HS6ST2: variants seen among roughly 807,000 people sequenced by gnomAD.
HS6ST2 encodes heparan sulfate 6-O-sulfotransferase 2.
Under a neutral mutation model 33.0 loss-of-function variants are expected in HS6ST2, and 17 were observed. That is an observed-to-expected ratio of 0.52 (90% CI 0.35 to 0.77). The LOEUF (loss-of-function observed/expected upper bound fraction) is 0.77, where lower values mean the gene tolerates loss of function less well. Ranked by LOEUF, HS6ST2 falls within the 30% of genes least tolerant of loss-of-function variation. The pLI is 0.01. For synonymous variants in HS6ST2, 248 were observed against 237.1 expected (o/e 1.05, Z -0.42); for missense variants, 519 against 551.7 (o/e 0.94, Z 0.59).
chrX:132,800,199 A>G (rs2065220887), intron 2 of HS6ST2, among the ~76,000 whole-genome samples: 1 of 111,665 alleles, frequency 9.0e-6, no homozygotes. Context: ...TTCTGCCTCC[A>G]GTCAGATCAG....
chrX:132,765,132 C>T (rs2064834950), intron 2 of HS6ST2, among the ~76,000 whole-genome samples: 1 of 112,169 alleles, frequency 8.9e-6, no homozygotes, highest in Non-Finnish European at 1.9e-5. Context: ...GCTCCCCTGT[C>T]CTTCAGCAGC....
chrX:132,774,586 G>T (rs749353522), intron 2 of HS6ST2, among the ~76,000 whole-genome samples: 3 of 111,969 alleles, frequency 2.7e-5, no homozygotes, highest in Non-Finnish European at 5.6e-5. Context: ...TATATTTACA[G>T]ATTTACAGGA....
Position 132,652,564 on chromosome X carries a change from G to A in HS6ST2, c.1067+16549C>T, listed in dbSNP as rs543453376. ...CCGACTAACATGCTCCACACCTTGA[G>A]GTGAAAGTATGCCAAAAATACAGGG... On this transcript the variant is annotated intron_variant, in intron 4 of 4. Coordinates refer to ENST00000370833, the MANE Select transcript of HS6ST2 (RefSeq NM_001394073.1). Among the ~76,000 whole-genome samples, 4 of 111,541 alleles carry A rather than the reference G, an allele frequency of 3.6e-5. No homozygotes were observed. The South Asian group carries it at 1.5e-3, about 42-fold the overall frequency.
intron 2 of HS6ST2, among the ~76,000 whole-genome samples, chrX:132,810,171 C>T (rs2065327170): frequency 9.0e-6 from 1 of 111,304 alleles, no homozygotes; most frequent in Non-Finnish European, 1.9e-5. Context: ...TTTGACAGGC[C>T]GAGGTGGGAG....
At chrX:132,663,828 C>A (rs2063791522) in intron 4 of HS6ST2, among the ~76,000 whole-genome samples, 2 of 111,674 alleles carry the variant, frequency 1.8e-5, no homozygotes, top group African/African-American at 6.5e-5. Flanking sequence ...GGGTTAGCAA[C>A]AGTCACAACC....
At chrX:132,880,812 G>A (rs1357376829) in intron 2 of HS6ST2, among the ~76,000 whole-genome samples, 1 of 95,897 alleles carries the variant, frequency 1.0e-5, no homozygotes, top group Non-Finnish European at 2.0e-5. Flanking sequence ...CATGTGTGAT[G>A]TTCCTCTTCC....
chrX:132,860,529 C>T (rs1056169827), intron 2 of HS6ST2, among the ~76,000 whole-genome samples: 4 of 111,739 alleles, frequency 3.6e-5, no homozygotes, highest in African/African-American at 9.8e-5. Context: ...ATTCTGATCA[C>T]TTGCTGCTCA....
At chrX:132,665,518 C>T (rs1008149662) in intron 4 of HS6ST2, among the ~76,000 whole-genome samples, 5 of 111,661 alleles carry the variant, frequency 4.5e-5, no homozygotes, top group African/African-American at 1.6e-4. Context: ...TATAAAGGCT[C>T]TTGGTGGCTA....
At chrX:132,956,610 G>A (rs1329281768) in intron 2 of HS6ST2, among the ~76,000 whole-genome samples, 198 bp downstream of exon 2, 1 of 112,702 alleles carries the variant, frequency 8.9e-6, no homozygotes, top group African/African-American at 3.2e-5. Context: ...CGGTCAGTCC[G>A]GGGCCGGAGC....
At chrX:132,919,945 G>A (rs1335021600) in intron 2 of HS6ST2, among the ~76,000 whole-genome samples, 1 of 111,591 alleles carries the variant, frequency 9.0e-6, no homozygotes. Flanking sequence ...GTCAGCGTAC[G>A]GAAAACCCTG....
chrX:132,898,375 A>G (rs1175666322), intron 2 of HS6ST2, among the ~76,000 whole-genome samples: 1 of 73,511 alleles, frequency 1.4e-5, no homozygotes, highest in African/African-American at 5.7e-5. Context: ...CTTTATCAAC[A>G]TAAGGTTATA....
intron 2 of HS6ST2, among the ~76,000 whole-genome samples, chrX:132,831,409 A>G (rs1449782207): frequency 1.8e-5 from 2 of 111,520 alleles, no homozygotes; most frequent in Non-Finnish European, 3.8e-5. Context: ...TTTCTGGTAC[A>G]AAATGAGAGC....
chrX:132,684,234 T>C (rs1248703432), intron 3 of HS6ST2, among the ~76,000 whole-genome samples: 1 of 103,289 alleles, frequency 9.7e-6, no homozygotes, highest in Non-Finnish European at 1.9e-5. Context: ...CATATATATA[T>C]ATATATATAC....
chrX:132,731,506 G>A (rs1023373063), intron 2 of HS6ST2, among the ~76,000 whole-genome samples: 5 of 111,416 alleles, frequency 4.5e-5, no homozygotes, highest in Admixed American at 9.5e-5. Context: ...TATCATAGAC[G>A]GTATTTCATT....
chrX:132,942,398 G>A (rs2066896456), intron 2 of HS6ST2, among the ~76,000 whole-genome samples: 1 of 111,616 alleles, frequency 9.0e-6, no homozygotes, highest in Admixed American at 9.5e-5. Flanking sequence ...CAGGCTGGTA[G>A]GCCCATGCTA....
intron 2 of HS6ST2, among the ~76,000 whole-genome samples, chrX:132,935,370 A>AT (rs1325156725): frequency 6.4e-5 from 7 of 110,161 alleles, no homozygotes; most frequent in East Asian, 5.7e-4. Context: ...GTCTCAACAT[A>AT]TTTTTTTTTC....
At chrX:132,765,137 A>T (rs1431397319) in intron 2 of HS6ST2, among the ~76,000 whole-genome samples, 2 of 112,298 alleles carry the variant, frequency 1.8e-5, no homozygotes, top group Non-Finnish European at 3.8e-5. Context: ...CCTGTCCTTC[A>T]GCAGCTTGCA....
chrX:132,939,608 G>C (rs747101876), intron 2 of HS6ST2, among the ~76,000 whole-genome samples: 1 of 111,496 alleles, frequency 9.0e-6, no homozygotes, highest in Non-Finnish European at 1.9e-5. Flanking sequence ...CTGGCCGACA[G>C]AGACTCCGTT....
intron 3 of HS6ST2, among the ~76,000 whole-genome samples, chrX:132,688,878 C>A (rs751535256): frequency 8.9e-6 from 1 of 112,388 alleles, no homozygotes; most frequent in Non-Finnish European, 1.9e-5. Context: ...TAAGCTCTAG[C>A]TAATACAGGT....
Sources: allele counts gnomAD v4.1 joint callset (sites outside exome capture counted in the v4.1 genomes callset), GRCh38; gene constraint gnomAD v4.1.1; transcripts MANE v1.5; gene names NCBI Gene and HGNC (gene_info 2026-07-23, HGNC 2026-07-21).